ATG10: variants seen among roughly 807,000 people sequenced by gnomAD.
The protein encoded by ATG10 is autophagy related 10, also known as ubiquitin-like-conjugating enzyme ATG10.
In ATG10, 30 loss-of-function variants were observed where a neutral mutation model predicts 32.1. That is an observed-to-expected ratio of 0.94 (90% CI 0.70 to 1.27). The LOEUF (loss-of-function observed/expected upper bound fraction) is 1.27, where lower values mean the gene tolerates loss of function less well. Ranked by LOEUF, ATG10 falls within the 50% of genes most tolerant of loss-of-function variation. ATG10 has a pLI of 0.00. For missense variants in ATG10, 233 were observed against 262.3 expected (o/e 0.89, Z 0.77); for synonymous variants, 87 against 91.5 (o/e 0.95, Z 0.28).
chr5:82,150,801 C>T (rs1414839818), intron 3 of ATG10, among the ~76,000 whole-genome samples: 1 of 152,222 alleles, frequency 6.6e-6, no homozygotes, highest in African/African-American at 2.4e-5. Flanking sequence ...GTAACAGAAA[C>T]TGCATGATCA....
At chr5:82,049,274 CAT>C (rs1377361416) in intron 2 of ATG10, among the ~76,000 whole-genome samples, 1 of 151,858 alleles carries the variant, frequency 6.6e-6, no homozygotes, top group Non-Finnish European at 1.5e-5. Flanking sequence ...TGGAAATCAT[CAT>C]TCTCAGTAAA....
At chr5:82,014,284 G>A (rs1238979125) in intron 2 of ATG10, among the ~76,000 whole-genome samples, 1 of 152,186 alleles carries the variant, frequency 6.6e-6, no homozygotes, top group Non-Finnish European at 1.5e-5. Context: ...GCGATGTGGT[G>A]CTGAGAAGAA....
intron 2 of ATG10, among the ~76,000 whole-genome samples, chr5:82,003,331 T>C (rs1761901733): frequency 6.6e-6 from 1 of 152,184 alleles, no homozygotes; most frequent in East Asian, 1.9e-4. Context: ...ATAAATACCA[T>C]TTCCCACAAA....
chr5:81,987,022 G>A (rs1412021184), intron 1 of ATG10, among the ~76,000 whole-genome samples: 2 of 152,126 alleles, frequency 1.3e-5, no homozygotes, highest in Admixed American at 1.3e-4. Context: ...CAGCCTGGAT[G>A]ACAGAGCGAG....
At chr5:82,023,777 G>T (rs1442141678) in intron 2 of ATG10, among the ~76,000 whole-genome samples, 2 of 151,980 alleles carry the variant, frequency 1.3e-5, no homozygotes, top group Admixed American at 1.3e-4. Flanking sequence ...TTTTGCACTG[G>T]TTTTTGCTAC....
At chr5:82,155,314 G>T (rs1210474163) in intron 3 of ATG10, among the ~76,000 whole-genome samples, 1 of 152,178 alleles carries the variant, frequency 6.6e-6, no homozygotes, top group Non-Finnish European at 1.5e-5. Context: ...AAAGGGGAAA[G>T]AGTTCACCAA....
chr5:82,211,482 C>T (rs1315165575), intron 5 of ATG10, among the ~76,000 whole-genome samples: 1 of 152,108 alleles, frequency 6.6e-6, no homozygotes, highest in African/African-American at 2.4e-5. Context: ...CTATACTTTC[C>T]ACTATGCTCT....
chr5:82,162,778 C>T (rs1261168291), intron 3 of ATG10, among the ~76,000 whole-genome samples: 1 of 123,234 alleles, frequency 8.1e-6, no homozygotes, highest in Non-Finnish European at 1.6e-5. Context: ...AGGATGCCCA[C>T]GAGTGAAAAT....
intron 2 of ATG10, among the ~76,000 whole-genome samples, chr5:82,045,657 C>T (rs556721462): frequency 4.1e-4 from 62 of 152,182 alleles, no homozygotes; most frequent in African/African-American, 1.4e-3. Flanking sequence ...AGCTTTAAAC[C>T]TTCACAGACT....
chr5:82,233,617 A>G (rs1581833622), intron 5 of ATG10, among the ~76,000 whole-genome samples: 1 of 152,178 alleles, frequency 6.6e-6, no homozygotes, highest in Admixed American at 6.5e-5. Context: ...TTCTAAGTTA[A>G]ATGAACCAGT....
At chr5:82,224,703 G>T (rs1229206508) in intron 5 of ATG10, among the ~76,000 whole-genome samples, 2 of 152,174 alleles carry the variant, frequency 1.3e-5, no homozygotes, top group African/African-American at 4.8e-5. Flanking sequence ...AGCTGTGCTG[G>T]AGGAATACTG....
intron 2 of ATG10, among the ~76,000 whole-genome samples, chr5:82,029,218 T>C (rs1177993783): frequency 6.6e-6 from 1 of 152,222 alleles, no homozygotes; most frequent in Non-Finnish European, 1.5e-5. Context: ...ATTTCCATCA[T>C]TTGGAGAAAA....
At chr5:82,210,493 A>T (rs1045765477) in intron 5 of ATG10, among the ~76,000 whole-genome samples, 1 of 152,198 alleles carries the variant, frequency 6.6e-6, no homozygotes, top group Admixed American at 6.5e-5. Flanking sequence ...CTTCCTTGGT[A>T]TACCCTGAAC....
rs1745201251 is a variant in ATG10 at position 82,204,399 on chromosome 5, T to C, written c.453+25812T>C. Among the ~76,000 whole-genome samples the C allele has an allele frequency of 2.6e-5, 4 of 152,352 alleles. No homozygotes were observed. The East Asian group carries it at 7.7e-4, about 29-fold the overall frequency. ...TTAGATGAAGTCAATAATGCCAGTT[T>C]ATTTATCTTTTTGATAAATAATTTT... On this transcript the variant is annotated intron_variant, in intron 5 of 7. Transcript: ENST00000282185.
At chr5:82,030,666 C>T (rs1309872694) in intron 2 of ATG10, among the ~76,000 whole-genome samples, 1 of 152,122 alleles carries the variant, frequency 6.6e-6, no homozygotes, top group Non-Finnish European at 1.5e-5. Flanking sequence ...TACAAGATTT[C>T]CTTTCTTAAA....
chr5:82,114,917 G>T (rs1765742777), intron 3 of ATG10, among the ~76,000 whole-genome samples: 1 of 151,940 alleles, frequency 6.6e-6, no homozygotes, highest in African/African-American at 2.4e-5. Flanking sequence ...CAATATGATC[G>T]CTACTAGCCC....
At chr5:82,246,460 G>A (rs1325535798) in intron 5 of ATG10, among the ~76,000 whole-genome samples, 1 of 151,098 alleles carries the variant, frequency 6.6e-6, no homozygotes, top group Non-Finnish European at 1.5e-5. Context: ...AGATTAAGGT[G>A]GAAGGATCGA....
At position 82,006,128 on chromosome 5, in the gene ATG10, T is replaced by G. The variant is rs1463624732; in HGVS notation, c.108+18450T>G. Among the ~76,000 whole-genome samples the G allele has an allele frequency of 5.3e-5, 8 of 152,286 alleles. No homozygotes were observed. In the East Asian group the frequency reaches 1.3e-3, roughly 26 times the overall value. On this transcript the variant is annotated intron_variant, in intron 2 of 7. Coordinates refer to ENST00000282185, the MANE Select transcript of ATG10 (RefSeq NM_031482.5). The stretch of plus-strand genomic sequence containing the variant: ...TCTTCTTTTCAGTAGCTTTTCTCTT[T>G]CATATTACTTTCCTTAAAACCCTTT...
chr5:81,977,856 T>C (rs1760912464), intron 1 of ATG10, among the ~76,000 whole-genome samples: 1 of 152,208 alleles, frequency 6.6e-6, no homozygotes, highest in African/African-American at 2.4e-5. Context: ...ATGAAAAACT[T>C]GTGGAAATAG....
Sources: allele counts gnomAD v4.1 joint callset (sites outside exome capture counted in the v4.1 genomes callset), GRCh38; gene constraint gnomAD v4.1.1; transcripts MANE v1.5; gene names NCBI Gene and HGNC (gene_info 2026-07-23, HGNC 2026-07-21).